SLC24A1: variants seen among roughly 807,000 people sequenced by gnomAD.
SLC24A1 encodes solute carrier family 24 member 1.
Under a neutral mutation model 88.1 loss-of-function variants are expected in SLC24A1, and 52 were observed. That is an observed-to-expected ratio of 0.59 (90% CI 0.47 to 0.74). The LOEUF is 0.74. Ranked by LOEUF, SLC24A1 falls within the 30% of genes least tolerant of loss-of-function variation. The pLI, the probability that SLC24A1 is intolerant of heterozygous loss-of-function variation, is 0.00. For synonymous variants in SLC24A1, 455 were observed against 498.0 expected (o/e 0.91, Z 1.15); for missense variants, 1,173 against 1,363.3 (o/e 0.86, Z 2.20).
At chr15:65,633,950 C>T (rs2074819222) in intron 2 of SLC24A1, among the ~76,000 whole-genome samples, 1 of 152,072 alleles carries the variant, frequency 6.6e-6, no homozygotes, top group African/African-American at 2.4e-5. Context: ...CTGTGCAGGA[C>T]TATAGGCAGG....
chr15:65,639,562 A>G, intron 3 of SLC24A1, 33 bp from the exon 4 acceptor site: 2 of 1,152,864 alleles, frequency 1.7e-6, no homozygotes, highest in Non-Finnish European at 2.4e-6. Flanking sequence ...TGGCTTGGAC[A>G]GGGGCCCACT....
intron 1 of SLC24A1, among the ~76,000 whole-genome samples, chr15:65,622,503 G>T (rs1037093203): frequency 6.6e-6 from 1 of 152,148 alleles, no homozygotes; most frequent in African/African-American, 2.4e-5. Flanking sequence ...CTCAGATGAG[G>T]AGTTGTACCA....
At chr15:65,648,395 C>A (rs977785450) in intron 6 of SLC24A1, among the ~76,000 whole-genome samples, 3 of 152,212 alleles carry the variant, frequency 2.0e-5, no homozygotes, top group Non-Finnish European at 4.4e-5. Context: ...CAGCCCAGGG[C>A]TCTTGCTCAA....
intron 2 of SLC24A1, among the ~76,000 whole-genome samples, chr15:65,626,677 G>C (rs2074530717): frequency 1.3e-5 from 2 of 152,130 alleles, no homozygotes; most frequent in African/African-American, 4.8e-5. Flanking sequence ...TCCTTTCCAA[G>C]AACTTCTCTG....
intron 1 of SLC24A1, among the ~76,000 whole-genome samples, chr15:65,622,440 T>A (rs1394316411): frequency 2.6e-5 from 4 of 152,196 alleles, no homozygotes; most frequent in Admixed American, 2.0e-4. Context: ...ACTCACTAGC[T>A]GTGTGATGTT....
At chr15:65,613,273 C>A (rs2074028281) in intron 2 of SLC24A1, among the ~76,000 whole-genome samples, 1 of 152,208 alleles carries the variant, frequency 6.6e-6, no homozygotes, top group Non-Finnish European at 1.5e-5. Context: ...GTTTGATCCC[C>A]AGTCTGACAG....
chr15:65,637,840 G>T (rs2074992148), intron 2 of SLC24A1, among the ~76,000 whole-genome samples: 1 of 152,094 alleles, frequency 6.6e-6, no homozygotes, highest in Non-Finnish European at 1.5e-5. Context: ...TGTGATGAGG[G>T]TTTTGAGGTG....
In SLC24A1 at chr15:65,656,211, A is replaced by G. The variant is rs2075679027; in HGVS notation, c.*2132A>G. 3 of 984,600 alleles carry G rather than the reference A, an allele frequency of 3.0e-6. No homozygotes were observed. Among genetic ancestry groups the G allele is most frequent in the South Asian group, 9.4e-5 (2 of 21,274 alleles). The allele number at this position is 984,600 out of a possible 1,614,324, so 61.0% of individuals were successfully genotyped here. A position where few individuals can be genotyped will look rare whatever the true frequency, so the allele number is the denominator to read the frequency against. On this transcript the variant is annotated 3_prime_UTR_variant, in exon 10 of 10. Transcript: ENST00000261892. ...GGACCGTAAAATGCTGTGTAATGAT[A>G]AAAGGCTGAAATATCCACTGAATGA...
rs1486979121 is a variant in SLC24A1, at chr15:65,644,431, C to T, written c.2058C>T (p.Arg686=). ...LHSLDPLREV[R]LAKEKEEESL... The stretch of plus-strand genomic sequence containing the variant: ...TATGTCCTGTCTCATTTGCAGTTCG[C>T]CTTGCCAAGGAGAAGGAGGAGGAGA... The change falls in exon 5 of 10, where the codon CGC becomes CGT. Residue 686 remains arginine, a synonymous_variant. Coordinates refer to ENST00000261892, the MANE Select transcript of SLC24A1 (RefSeq NM_004727.3). 2 of 1,587,322 alleles carry T rather than the reference C, an allele frequency of 1.3e-6. No individual in the cohort carries two copies. Among genetic ancestry groups the T allele is most frequent in the Admixed American group, 3.6e-5 (2 of 56,004 alleles).
chr15:65,620,189 A>G (rs574968436), upstream of SLC24A1, among the ~76,000 whole-genome samples: 29 of 152,158 alleles, frequency 1.9e-4, no homozygotes, highest in East Asian at 5.0e-3. Context: ...TCAGTGGTGA[A>G]TAAGACAGGC....
chr15:65,660,482 T>C (rs2075817549), downstream of SLC24A1: 1 of 536,654 alleles, frequency 1.9e-6, no homozygotes, highest in African/African-American at 1.9e-5. Flanking sequence ...GGGAATTCCT[T>C]CACTAATGAT....
chr15:65,650,537 T>G lies in SLC24A1; in HGVS notation c.2388T>G (p.Asp796Glu). 1 of 1,551,356 alleles carries G rather than the reference T, an allele frequency of 6.4e-7. No homozygotes were observed. The highest frequency in any genetic ancestry group is 8.7e-7 in the Non-Finnish European group (1 of 1,146,960). Reference protein sequence around the residue: ...ETQGKGEECEDENEAEGKGDN... With the variant: ...ETQGKGEECEEENEAEGKGDN... ...AAGGAAAAGGAGAAGAATGTGAAGA[T>G]GAAAATGAAGCAGAAGGAAAAGGAG... Residue 796 changes from aspartate to glutamate, a missense_variant, in exon 7 of 10, where the codon GAT becomes GAG. Transcript: ENST00000261892. The surrounding 1 kb of genome is among the most constrained non-coding windows in gnomAD (Gnocchi z 4.1).
rs1019453833 is a variant in SLC24A1, at chr15:65,656,039, A to G, written c.*1960A>G. 1 of 985,306 alleles carries G rather than the reference A, an allele frequency of 1.0e-6. No homozygotes were observed. The highest frequency in any genetic ancestry group is 6.1e-5 in the Admixed American group (1 of 16,268). 61.0% of individuals were successfully genotyped at this position (985,306 alleles called of 1,614,324 possible). ...GCCAAGGCCTAAGAACAGGAGGAGAAGGCAATGCTTGTGGGAGGGAGGTCC... is the reference window on the plus strand; with the variant it reads ...GCCAAGGCCTAAGAACAGGAGGAGAGGGCAATGCTTGTGGGAGGGAGGTCC... On this transcript the variant is annotated 3_prime_UTR_variant, in exon 10 of 10. Transcript: ENST00000261892.
chr15:65,621,839 G>A (rs900977269), upstream of SLC24A1: 2 of 152,246 alleles, frequency 1.3e-5, no homozygotes, highest in Non-Finnish European at 2.9e-5. Context: ...GGCTTGGTCA[G>A]GTGTACCGGG....
In SLC24A1 at chr15:65,654,450, C is replaced by T; in HGVS notation, c.*371C>T. On this transcript the variant is annotated 3_prime_UTR_variant, in exon 10 of 10. Coordinates refer to ENST00000261892, the MANE Select transcript of SLC24A1 (RefSeq NM_004727.3). Reference sequence around the variant, plus strand: ...CTACGCTCACTGTTCCCTGATCATTCCAAAGGCTGCTGGCCCAAAAGATGC... The same window carrying T: ...CTACGCTCACTGTTCCCTGATCATTTCAAAGGCTGCTGGCCCAAAAGATGC... 1.7e-6 allele frequency: 2 copies of T among 1,164,950 alleles called. No homozygotes were observed. Among genetic ancestry groups the T allele is most frequent in the South Asian group, 1.8e-5 (1 of 56,190 alleles). 72.2% of individuals were successfully genotyped at this position (1,164,950 alleles called of 1,614,324 possible).
intron 4 of SLC24A1, among the ~76,000 whole-genome samples, chr15:65,641,945 G>T (rs1474581729): frequency 1.3e-5 from 2 of 152,250 alleles, no homozygotes; most frequent in Non-Finnish European, 2.9e-5. Flanking sequence ...GCTGAGAGGG[G>T]AGAGGCATGT....
In SLC24A1 at chr15:65,650,249, G is replaced by C; in HGVS notation, c.2233-133G>C. 1 of 670,430 alleles carries C rather than the reference G, an allele frequency of 1.5e-6. No individual in the cohort carries two copies. Among genetic ancestry groups the C allele is most frequent in the East Asian group, 2.7e-5 (1 of 36,684 alleles). 41.5% of individuals were successfully genotyped at this position (670,430 alleles called of 1,614,324 possible). A position where few individuals can be genotyped will look rare whatever the true frequency, so the allele number is the denominator to read the frequency against. On this transcript the variant is annotated intron_variant, in intron 6 of 9. Transcript: ENST00000261892. This position sits in a 1 kb window ranked among gnomAD's most constrained non-coding sequence, Gnocchi z 4.1. The stretch of plus-strand genomic sequence containing the variant: ...GTCATGGGAATTCTGCTGAATTATC[G>C]CACTAGTTTTCTCCTCATACTTAAG...
chr15:65,638,701 C>T (rs1267584359), intron 3 of SLC24A1, among the ~76,000 whole-genome samples: 2 of 151,982 alleles, frequency 1.3e-5, no homozygotes, highest in Non-Finnish European at 2.9e-5. Flanking sequence ...AAAGGAGTTC[C>T]GAACTTGAAC....
chr15:65,625,535 A>G lies in SLC24A1; in HGVS notation c.1455A>G (p.Thr485=), dbSNP rs1469394379. Reference sequence around the variant, plus strand: ...TCGTTCCAGCCCTGGGTGTCATCACAGACAAGCTGCAGATCTCCGAGGATG... The same window carrying G: ...TCGTTCCAGCCCTGGGTGTCATCACGGACAAGCTGCAGATCTCCGAGGATG... ...EYFVPALGVI[T]DKLQISEDVA... Residue 485 remains threonine, a synonymous_variant, in exon 2 of 10, where the codon ACA becomes ACG. Transcript: ENST00000261892. 6.2e-7 allele frequency: 1 copy of G among 1,613,912 alleles called. No homozygotes were observed. The highest frequency in any genetic ancestry group is 8.5e-7 in the Non-Finnish European group (1 of 1,179,906).
Sources: gnomAD v4.1 joint callset for allele counts (sites outside exome capture counted in the v4.1 genomes callset) on GRCh38, gnomAD v4.1.1 for gene constraint, Gnocchi (gnomAD v3.1) non-coding constraint, MANE v1.5 for transcripts, NCBI Gene and HGNC (gene_info 2026-07-23, HGNC 2026-07-21) for gene names.